The following MBTPS1 variants were observed in gnomAD, a reference collection of about 807,000 sequenced individuals.
MBTPS1 encodes membrane-bound transcription factor site-1 protease.
In MBTPS1, 94 loss-of-function variants were observed where a neutral mutation model predicts 127.8. The ratio of observed to expected loss-of-function variants is 0.74; its 90% confidence interval spans 0.62 to 0.87. MBTPS1 has a LOEUF of 0.87. MBTPS1 is among the 40% of genes least tolerant of loss of function. MBTPS1 has a pLI of 0.00. For missense variants in MBTPS1, 1,636 were observed against 1,353.2 expected, an observed-to-expected ratio of 1.21 and a Z score of -3.28; for synonymous variants, 632 against 509.4, an observed-to-expected ratio of 1.24 and a Z score of -3.24.
intron 8 of MBTPS1, among the ~76,000 whole-genome samples, chr16:84,089,980 T>C (rs1597335951): frequency 6.6e-6 from 1 of 152,352 alleles, no homozygotes; most frequent in East Asian, 1.9e-4. Flanking sequence ...TGGCTCATGA[T>C]ACGTATCACT....
chr16:84,092,329 T>C lies in MBTPS1; in HGVS notation c.847-481A>G, dbSNP rs114902278. Among the ~76,000 whole-genome samples, 1,124 of 152,376 alleles carry C rather than the reference T, an allele frequency of 7.4e-3. 10 individuals are homozygous for C. The highest frequency in any genetic ancestry group is 0.026 in the African/African-American group (1,071 of 41,580). ...GTCTTCTGATGTTCAAGTGCTCCTA[T>C]GTTCCTTACAAAAGCTTCATTACTT... On this transcript the variant is annotated intron_variant, in intron 6 of 22. Coordinates refer to ENST00000343411, the MANE Select transcript of MBTPS1 (RefSeq NM_003791.4).
chr16:84,070,699 A>C lies in MBTPS1; in HGVS notation c.1671T>G (p.Pro557=). The change falls in exon 13 of 23, where the codon CCT becomes CCG. Residue 557 remains proline, a synonymous_variant. Transcript: ENST00000343411. ...VAFSYSSVLW[P]WSGYLAISIS... is the part of the protein sequence containing the mutation. ...TGGAGATGGCCAGGTAGCCCGACCA[A>C]GGCCATAAGACCGAGGAGTAGGAGA... 6.2e-7 allele frequency: 1 copy of C among 1,614,124 alleles called. No homozygotes were observed. Among genetic ancestry groups the C allele is most frequent in the Non-Finnish European group, 8.5e-7 (1 of 1,179,982 alleles).
Position 84,054,530 on chromosome 16 carries a change from G to A in MBTPS1, c.3078C>T (p.Ser1026=), listed in dbSNP as rs778767089. 4.3e-6 allele frequency: 7 copies of A among 1,614,044 alleles called. No homozygotes were observed. The highest frequency in any genetic ancestry group is 5.1e-6 in the Non-Finnish European group (6 of 1,179,966). The stretch of plus-strand genomic sequence containing the variant: ...CCCTGGGCTTCCTCCGCTTCGGCCT[G>A]CTCTTGGCCTTGTTGATTTGTACCA... ...FFVVQINKAK[S]RPKRRKPRVK... The change falls in exon 23 of 23, where the codon AGC becomes AGT. Residue 1026 remains serine, a synonymous_variant. Coordinates refer to ENST00000343411, the MANE Select transcript of MBTPS1 (RefSeq NM_003791.4).
intron 4 of MBTPS1, among the ~76,000 whole-genome samples, chr16:84,095,018 T>C (rs2086160087): frequency 6.6e-6 from 1 of 152,232 alleles, no homozygotes; most frequent in Admixed American, 6.5e-5. Context: ...TTGGTCATGA[T>C]GAATCAGCAA....
intron 2 of MBTPS1, among the ~76,000 whole-genome samples, chr16:84,100,404 C>A (rs2086237720): frequency 6.6e-6 from 1 of 152,144 alleles, no homozygotes; most frequent in Non-Finnish European, 1.5e-5. Flanking sequence ...ATTAGCCGGG[C>A]ATGGTGGCAC....
chr16:84,093,861 A>T, intron 4 of MBTPS1, 40 bp from the exon 5 acceptor site: 2 of 1,397,460 alleles, frequency 1.4e-6, no homozygotes, highest in Non-Finnish European at 2.0e-6. Flanking sequence ...ATGTTTGAAG[A>T]AATCATCATT....
intron 21 of MBTPS1, among the ~76,000 whole-genome samples, chr16:84,058,319 A>G (rs1193677515): frequency 2.6e-5 from 4 of 152,236 alleles, no homozygotes; most frequent in Non-Finnish European, 5.9e-5. Flanking sequence ...TTCGCCTTAC[A>G]GGACGGAAGG....
chr16:84,075,829 C>G (rs574142835), intron 11 of MBTPS1, among the ~76,000 whole-genome samples: 2 of 152,272 alleles, frequency 1.3e-5, no homozygotes, highest in South Asian at 4.1e-4. Context: ...ACCACCTTCA[C>G]AAGTCTGAAG....
rs960951825 is a variant in MBTPS1, at chr16:84,054,376, C to T, written c.*73G>A. ...TGGATCCCTTTTAAACCAGCCGCCA[C>T]CACAGCTCGGCTCACCCACCAGCGC... On this transcript the variant is annotated 3_prime_UTR_variant, in exon 23 of 23. Coordinates refer to ENST00000343411, the MANE Select transcript of MBTPS1 (RefSeq NM_003791.4). The T allele has an allele frequency of 1.4e-6, 2 of 1,388,994 alleles. No homozygotes were observed. The highest frequency in any genetic ancestry group is 1.9e-6 in the Non-Finnish European group (2 of 1,037,920). 86.0% of individuals were successfully genotyped at this position (1,388,994 alleles called of 1,614,324 possible). A position where few individuals can be genotyped will look rare whatever the true frequency, so the allele number is the denominator to read the frequency against.
At chr16:84,081,704 C>G (rs373655820) in intron 11 of MBTPS1, 43 bp downstream of exon 11, 4 of 1,312,032 alleles carry the variant, frequency 3.0e-6, no homozygotes, top group Non-Finnish European at 3.0e-6. Flanking sequence ...GCCCAGAGCC[C>G]AGTGAAGGAG....
intron 19 of MBTPS1, 98 bp downstream of exon 19, chr16:84,063,207 C>T (rs954773589): frequency 2.4e-5 from 31 of 1,291,014 alleles, no homozygotes; most frequent in South Asian, 6.7e-5. Flanking sequence ...GAACAGATGT[C>T]GGCTGATCTG....
Position 84,069,916 on chromosome 16 carries a change from A to G in MBTPS1, c.1905T>C (p.Pro635=), listed in dbSNP as rs746465020. The part of the protein sequence containing the change: ...WDQYHNLRYP[P]GYFPRDNLRM... ...TTAAATTATCCCTGGGGAAATAGCC[A>G]GGTGGATAGCGGAGGTTGTGGTACT... Residue 635 remains proline (P), a synonymous_variant, in exon 14 of 23, where the codon CCT becomes CCC. Transcript: ENST00000343411. 3 of 1,614,206 alleles carry G rather than the reference A, an allele frequency of 1.9e-6. No individual in the cohort carries two copies. Among genetic ancestry groups the G allele is most frequent in the Non-Finnish European group, 2.5e-6 (3 of 1,180,036 alleles).
chr16:84,087,697 TCTC>T (rs2086050749), intron 8 of MBTPS1, among the ~76,000 whole-genome samples: 1 of 151,976 alleles, frequency 6.6e-6, no homozygotes, highest in African/African-American at 2.4e-5. Context: ...CCTCCTTTCT[TCTC>T]CTCCCTGTCA....
intron 12 of MBTPS1, among the ~76,000 whole-genome samples, chr16:84,071,021 AT>A (rs557283165): frequency 6.6e-6 from 1 of 152,108 alleles, no homozygotes; most frequent in African/African-American, 2.4e-5. Context: ...TTATGGAGAC[AT>A]TTTTTTTCTA....
chr16:84,112,752 A>T (rs536840956), intron 1 of MBTPS1, among the ~76,000 whole-genome samples: 15 of 151,974 alleles, frequency 9.9e-5, no homozygotes, highest in African/African-American at 3.6e-4. Context: ...AGACGGGCAG[A>T]TCACCCGAGG....
intron 10 of MBTPS1, among the ~76,000 whole-genome samples, chr16:84,082,421 A>T (rs1236235920): frequency 6.6e-6 from 1 of 152,146 alleles, no homozygotes; most frequent in Non-Finnish European, 1.5e-5. Context: ...CTTGTCTGGG[A>T]TGAGCCACCC....
intron 20 of MBTPS1, 139 bp from the exon 21 acceptor site, chr16:84,059,567 T>C: frequency 1.4e-6 from 1 of 728,464 alleles, no homozygotes; most frequent in Non-Finnish European, 2.2e-6. Context: ...TAAGCTATCC[T>C]CCATGAGCCG....
intron 12 of MBTPS1, chr16:84,072,222 G>C (rs1192261543): frequency 1.3e-5 from 2 of 152,300 alleles, no homozygotes; most frequent in African/African-American, 4.8e-5. Context: ...GGCACAAAAG[G>C]ACAGATGCTA....
intron 12 of MBTPS1, 89 bp downstream of exon 12, chr16:84,074,508 A>T: frequency 7.2e-7 from 1 of 1,388,674 alleles, no homozygotes; most frequent in Non-Finnish European, 9.9e-7. Flanking sequence ...TTCCTTTTTT[A>T]ACTTCAGCAG....
Sources: allele counts gnomAD v4.1 joint callset (sites outside exome capture counted in the v4.1 genomes callset), GRCh38; gene constraint gnomAD v4.1.1; transcripts MANE v1.5; gene names NCBI Gene and HGNC (gene_info 2026-07-23, HGNC 2026-07-21).